Variants in KLHL13 observed in about 807,000 individuals in gnomAD.
The protein encoded by KLHL13 is kelch like family member 13, also known as kelch-like protein 13.
In KLHL13, 10 loss-of-function variants were observed where a neutral mutation model predicts 37.1. The ratio of observed to expected loss-of-function variants is 0.27; its 90% CI spans 0.17 to 0.46. The LOEUF (loss-of-function observed/expected upper bound fraction) is 0.46, where lower values mean the gene tolerates loss of function less well. KLHL13 is among the 20% of genes least tolerant of loss of function. The pLI is 1.00. For synonymous variants in KLHL13, 163 were observed against 181.2 expected, an observed-to-expected ratio of 0.90 and a Z score of 0.81; for missense variants, 360 against 509.3, an observed-to-expected ratio of 0.71 and a Z score of 2.82.
At chrX:117,996,213 T>C (rs759230580) in intron 1 of KLHL13, among the ~76,000 whole-genome samples, 1 of 112,240 alleles carries the variant, frequency 8.9e-6, no homozygotes, top group East Asian at 2.8e-4. Flanking sequence ...CTTATGAAAA[T>C]ACAAATTTCA....
chrX:117,925,686 G>A (rs1263768961), intron 2 of KLHL13, among the ~76,000 whole-genome samples: 1 of 111,984 alleles, frequency 8.9e-6, no homozygotes, highest in Non-Finnish European at 1.9e-5. Context: ...ACAACTTCTG[G>A]TTTGCAGAGA....
At chrX:117,909,083 T>C (rs931688957) in intron 5 of KLHL13, among the ~76,000 whole-genome samples, 6 of 112,280 alleles carry the variant, frequency 5.3e-5, no homozygotes, top group African/African-American at 1.9e-4. Context: ...TATGCTACAA[T>C]ATACTGATGT....
chrX:117,948,921 A>G (rs919074366), intron 1 of KLHL13, among the ~76,000 whole-genome samples: 1 of 112,272 alleles, frequency 8.9e-6, no homozygotes, highest in African/African-American at 3.2e-5. Context: ...AAACATACAC[A>G]GACTGTGGCA....
chrX:117,945,758 A>G (rs1476729818), intron 1 of KLHL13, 183 bp from the exon 3 acceptor site: 3 of 391,316 alleles, frequency 7.7e-6, no homozygotes, highest in East Asian at 8.2e-5. Flanking sequence ...TATTTGTAAA[A>G]TGGTTTCCAA....
chrX:117,966,354 G>A (rs373164256), intron 1 of KLHL13, among the ~76,000 whole-genome samples: 2 of 110,720 alleles, frequency 1.8e-5, no homozygotes, highest in East Asian at 2.8e-4. Context: ...ACTTACAAGG[G>A]ATGTGAAGGA....
chrX:117,956,734 C>G (rs2053211506), intron 1 of KLHL13, among the ~76,000 whole-genome samples: 1 of 111,564 alleles, frequency 9.0e-6, no homozygotes, highest in South Asian at 3.8e-4. Flanking sequence ...GAAGAGTCAC[C>G]ATGTAGATGA....
chrX:118,030,810 T>C (rs1430841925), intron 1 of KLHL13, among the ~76,000 whole-genome samples: 1 of 111,451 alleles, frequency 9.0e-6, no homozygotes, highest in Non-Finnish European at 1.9e-5. Flanking sequence ...CAGCCTCTTT[T>C]ATCTTGAACG....
intron 1 of KLHL13, among the ~76,000 whole-genome samples, chrX:118,045,517 C>T (rs1208669201): frequency 9.1e-6 from 1 of 110,373 alleles, no homozygotes; most frequent in Non-Finnish European, 1.9e-5. Context: ...CAAAACTACA[C>T]TGAGGGCCAG....
chrX:117,996,366 CT>C (rs1438131845), intron 1 of KLHL13, among the ~76,000 whole-genome samples: 1 of 111,481 alleles, frequency 9.0e-6, no homozygotes, highest in Non-Finnish European at 1.9e-5. Flanking sequence ...AAATCATCCC[CT>C]AATAAGATTT....
chrX:117,922,441 T>C (rs1288566068), intron 2 of KLHL13, among the ~76,000 whole-genome samples: 1 of 111,622 alleles, frequency 9.0e-6, no homozygotes, highest in Non-Finnish European at 1.9e-5. Context: ...GTACTTAATA[T>C]ATGTTCCATT....
intron 1 of KLHL13, among the ~76,000 whole-genome samples, chrX:118,110,602 C>G (rs2055399991): frequency 9.1e-6 from 1 of 110,274 alleles, no homozygotes; most frequent in African/African-American, 3.3e-5. Context: ...TGGTCTCGAT[C>G]TCCTAACCTT....
At chrX:118,091,466 T>C (rs1381364903) in intron 1 of KLHL13, among the ~76,000 whole-genome samples, 1 of 111,065 alleles carries the variant, frequency 9.0e-6, no homozygotes, top group Non-Finnish European at 1.9e-5. Context: ...ACCAAATGGA[T>C]CTTTTAAAAG....
At chrX:118,022,258 T>C (rs1399181137) in intron 1 of KLHL13, among the ~76,000 whole-genome samples, 5 of 112,041 alleles carry the variant, frequency 4.5e-5, no homozygotes, top group Non-Finnish European at 9.4e-5. Flanking sequence ...TTGAAAGTTG[T>C]TTCCATATCT....
intron 1 of KLHL13, among the ~76,000 whole-genome samples, chrX:118,018,026 G>C (rs758059655): frequency 4.5e-5 from 5 of 111,446 alleles, no homozygotes; most frequent in Non-Finnish European, 9.4e-5. Context: ...GCATGCATGA[G>C]GATGTTCAGA....
intron 1 of KLHL13, among the ~76,000 whole-genome samples, chrX:118,098,953 GGGGGAGGGGGGAGA>G (rs1217870561): frequency 4.2e-5 from 3 of 70,921 alleles, no homozygotes; most frequent in Non-Finnish European, 8.1e-5. Context: ...GTGGGGGAAG[GGGGGAGGGGGGAGA>G]GGGGAGGGGG....
intron 1 of KLHL13, among the ~76,000 whole-genome samples, chrX:118,005,095 G>T (rs949360537): frequency 1.8e-5 from 2 of 111,404 alleles, no homozygotes; most frequent in African/African-American, 6.5e-5. Context: ...TAACACTTTT[G>T]GGATAACTGG....
intron 1 of KLHL13, among the ~76,000 whole-genome samples, chrX:118,113,386 T>A (rs2148196372): frequency 1.8e-5 from 2 of 112,409 alleles, no homozygotes; most frequent in East Asian, 5.6e-4. Context: ...TGGCTTCCTA[T>A]TGTTCTGAGA....
intron 1 of KLHL13, among the ~76,000 whole-genome samples, chrX:118,081,940 T>TTGTGTGTGTGTGTGTG (rs762989393): frequency 2.0e-5 from 2 of 97,698 alleles, no homozygotes; most frequent in South Asian, 9.5e-4. Flanking sequence ...TAGTATTCCA[T>TTGTGTGTGTGTGTGTG]TGTGTGTGTG....
chrX:117,916,737 T>A (rs780664717), intron 4 of KLHL13, among the ~76,000 whole-genome samples: 1 of 112,499 alleles, frequency 8.9e-6, no homozygotes, highest in South Asian at 3.7e-4. Flanking sequence ...TAGAACAGAA[T>A]TGTATTAGAA....
Sources: gnomAD v4.1 joint callset for allele counts (sites outside exome capture counted in the v4.1 genomes callset) on GRCh38, gnomAD v4.1.1 for gene constraint, MANE v1.5 for transcripts, NCBI Gene and HGNC (gene_info 2026-07-23, HGNC 2026-07-21) for gene names.